INVS: variants seen among roughly 807,000 people sequenced by gnomAD.
The protein encoded by INVS is inversion of embryo turning homolog.
INVS carries 86 observed loss-of-function variants against 108.8 expected under a neutral mutation model. That is an observed-to-expected ratio of 0.79 (90% CI 0.66 to 0.95). The LOEUF (loss-of-function observed/expected upper bound fraction) is 0.95. Among genes scored for constraint, INVS ranks in the 40% least tolerant of loss-of-function variants. The probability of loss-of-function intolerance (pLI) is 0.00; values close to 1 mark genes in which losing one functional copy is unlikely to be tolerated. For synonymous variants in INVS, 455 were observed against 473.5 expected, an observed-to-expected ratio of 0.96 and a Z score of 0.51; for missense variants, 1,169 against 1,297.4, an observed-to-expected ratio of 0.90 and a Z score of 1.52.
At chr9:100,218,225 T>A (rs1186443220) in intron 3 of INVS, among the ~76,000 whole-genome samples, 1 of 152,168 alleles carries the variant, frequency 6.6e-6, no homozygotes, top group African/African-American at 2.4e-5. Flanking sequence ...ATATATATAG[T>A]GAGCAATTGT....
intron 13 of INVS, among the ~76,000 whole-genome samples, chr9:100,286,595 C>T (rs1351084857): frequency 6.6e-6 from 1 of 152,158 alleles, no homozygotes; most frequent in East Asian, 1.9e-4. Flanking sequence ...ATTCCATAAT[C>T]CACTTTACAG....
intron 2 of INVS, among the ~76,000 whole-genome samples, chr9:100,115,541 G>A (rs1475422679): frequency 1.3e-5 from 2 of 152,036 alleles, no homozygotes; most frequent in African/African-American, 4.8e-5. Flanking sequence ...ACCTATGAGT[G>A]AGAACATGCA....
Position 100,220,814 on chromosome 9 carries a change from T to A in INVS, c.274-5248T>A, listed in dbSNP as rs184752522. 3.6e-3 allele frequency among the ~76,000 whole-genome samples: 544 copies of A among 152,108 alleles called. 3 individuals are homozygous for A. The highest frequency in any genetic ancestry group is 0.012 in the African/African-American group (515 of 41,486). ...GAGTTTGAGACCAGCCTGGCCAACA[T>A]GGTGAAACCTGATTTACCAGGCTTG... is the stretch of plus-strand genomic sequence containing the variant. On this transcript the variant is annotated intron_variant, in intron 3 of 16. Transcript: ENST00000262457.
intron 3 of INVS, chr9:100,214,795 C>T (rs939786265): frequency 6.6e-6 from 1 of 152,250 alleles, no homozygotes; most frequent in Non-Finnish European, 1.5e-5. Flanking sequence ...GCCTCAGCTG[C>T]TGTTTGATTC....
chr9:100,182,096 C>T (rs1344583955), intron 3 of INVS, among the ~76,000 whole-genome samples: 3 of 152,146 alleles, frequency 2.0e-5, no homozygotes, highest in African/African-American at 4.8e-5. Flanking sequence ...CTTCCTTACA[C>T]CTTATACAAA....
Position 100,275,568 on chromosome 9 carries a change from C to T in INVS, c.1784+2492C>T, listed in dbSNP as rs141668162. 2.5e-3 allele frequency among the ~76,000 whole-genome samples: 386 copies of T among 152,334 alleles called. 2 individuals are homozygous for T. The highest frequency in any genetic ancestry group is 8.9e-3 in the African/African-American group (369 of 41,576). ...TTTAATTCTTGCTTGAAGAAACAAACATCAGGATGCTAAACTCAGTCCTTG... is the reference window on the plus strand; with the variant it reads ...TTTAATTCTTGCTTGAAGAAACAAATATCAGGATGCTAAACTCAGTCCTTG... On this transcript the variant is annotated intron_variant, in intron 12 of 16. Transcript: ENST00000262457.
At chr9:100,188,927 G>C (rs1461702319) in intron 3 of INVS, among the ~76,000 whole-genome samples, 1 of 151,762 alleles carries the variant, frequency 6.6e-6, no homozygotes, top group African/African-American at 2.4e-5. Flanking sequence ...AAGATGGGGG[G>C]CTGTGTATTT....
rs138503790 is a variant in INVS at position 100,293,077 on chromosome 9, CTT to C, written c.2786+36_2786+37del. The C allele has an allele frequency of 3.6e-3, 5,526 of 1,546,998 alleles. 19 individuals are homozygous for C. Among genetic ancestry groups the C allele is most frequent in the Non-Finnish European group, 4.5e-3 (5,088 of 1,120,626 alleles). On this transcript the variant is annotated intron_variant, in intron 14 of 16. Coordinates refer to ENST00000262457, the MANE Select transcript of INVS (RefSeq NM_014425.5). ...ATGGGGTGCTGCCGCATCTGTGGTT[CTT>C]TGTTACTGATATTCTCAACATGACA...
At chr9:100,259,322 C>T (rs1189127390) in intron 10 of INVS, among the ~76,000 whole-genome samples, 3 of 152,142 alleles carry the variant, frequency 2.0e-5, no homozygotes, top group Non-Finnish European at 2.9e-5. Context: ...CCATCTGTCA[C>T]GGCTTTCCTT....
At chr9:100,100,237 GA>G (rs113589066) in intron 1 of INVS, among the ~76,000 whole-genome samples, 32 of 149,222 alleles carry the variant, frequency 2.1e-4, no homozygotes, top group South Asian at 6.3e-4. Flanking sequence ...TTTTTCTTAA[GA>G]AAAAAAAAGA....
chr9:100,113,293 T>A (rs1827403714), intron 2 of INVS, among the ~76,000 whole-genome samples: 1 of 152,172 alleles, frequency 6.6e-6, no homozygotes, highest in African/African-American at 2.4e-5. Flanking sequence ...ATGCAAAATT[T>A]GCCTCCATCT....
chr9:100,146,464 A>T lies in INVS; in HGVS notation c.273+19915A>T, dbSNP rs186291385. Among the ~76,000 whole-genome samples, 1,466 of 152,258 alleles carry T rather than the reference A, an allele frequency of 9.6e-3. 13 individuals are homozygous for T. The highest frequency in any genetic ancestry group is 0.016 in the Non-Finnish European group (1,110 of 68,016). On this transcript the variant is annotated intron_variant, in intron 3 of 16. Coordinates refer to ENST00000262457, the MANE Select transcript of INVS (RefSeq NM_014425.5). ...GTTAAGGCAGGAACCAGCCATCTGG[A>T]TGTGTACGTGCAGGTCACAGGAGAT...
intron 3 of INVS, among the ~76,000 whole-genome samples, chr9:100,225,203 G>A (rs9696818): frequency 0.18 from 26,733 of 151,182 alleles, 3,582 homozygotes; most frequent in African/African-American, 0.38. Flanking sequence ...GACTACAGGC[G>A]CCCACCACCA....
At chr9:100,135,187 G>A (rs564981509) in intron 3 of INVS, among the ~76,000 whole-genome samples, 1 of 152,264 alleles carries the variant, frequency 6.6e-6, no homozygotes, top group East Asian at 1.9e-4. Context: ...ATGATAAAAT[G>A]TTCAGAACTT....
chr9:100,296,576 C>A (rs2118780117), intron 14 of INVS, among the ~76,000 whole-genome samples: 1 of 152,298 alleles, frequency 6.6e-6, no homozygotes, highest in East Asian at 1.9e-4. Flanking sequence ...TGAAACCTTA[C>A]CAAACCATCA....
At chr9:100,261,174 C>T (rs1832609559) in intron 10 of INVS, among the ~76,000 whole-genome samples, 1 of 151,176 alleles carries the variant, frequency 6.6e-6, no homozygotes, top group South Asian at 2.1e-4. Flanking sequence ...ACTCATTGAA[C>T]AAGTATTTAT....
intron 13 of INVS, among the ~76,000 whole-genome samples, chr9:100,285,890 CTCTTA>C: frequency 6.6e-6 from 1 of 152,312 alleles, no homozygotes; most frequent in South Asian, 2.1e-4. Flanking sequence ...CACTGAGCTA[CTCTTA>C]TAAGTTAGAG....
At chr9:100,205,447 G>A (rs182717716) in intron 3 of INVS, among the ~76,000 whole-genome samples, 1 of 152,030 alleles carries the variant, frequency 6.6e-6, no homozygotes, top group Non-Finnish European at 1.5e-5. Flanking sequence ...ACAAACCTGG[G>A]GAGTACTAAT....
chr9:100,183,839 A>C (rs1829971764), intron 3 of INVS, among the ~76,000 whole-genome samples: 1 of 150,710 alleles, frequency 6.6e-6, no homozygotes, highest in African/African-American at 2.4e-5. Flanking sequence ...ATAAATAGGT[A>C]GCTAAAGATA....
Sources: gnomAD v4.1 joint callset for allele counts (sites outside exome capture counted in the v4.1 genomes callset) on GRCh38, gnomAD v4.1.1 for gene constraint, MANE v1.5 for transcripts, NCBI Gene and HGNC (gene_info 2026-07-23, HGNC 2026-07-21) for gene names.